Variants in CDH18 observed in about 807,000 individuals in gnomAD.
CDH18 encodes cadherin-18.
Under a neutral mutation model 67.9 loss-of-function variants are expected in CDH18, and 31 were observed. The ratio of observed to expected loss-of-function variants is 0.46; its 90% CI spans 0.34 to 0.62. CDH18 has a LOEUF of 0.62. Among genes scored for constraint, CDH18 ranks in the 20% least tolerant of loss-of-function variants. The probability of loss-of-function intolerance (pLI) is 0.01; values close to 1 mark genes in which losing one functional copy is unlikely to be tolerated. For missense variants in CDH18, 890 were observed against 975.5 expected, an observed-to-expected ratio of 0.91 and a Z score of 1.17; for synonymous variants, 362 against 347.2, an observed-to-expected ratio of 1.04 and a Z score of -0.48.
At chr5:19,711,396 T>TACAACA (rs112963492) in intron 5 of CDH18, among the ~76,000 whole-genome samples, 71 of 150,750 alleles carry the variant, frequency 4.7e-4, no homozygotes, top group African/African-American at 1.3e-3. Flanking sequence ...ACTCATAAAC[T>TACAACA]ACAACAACAA....
intron 8 of CDH18, among the ~76,000 whole-genome samples, chr5:19,567,933 T>C (rs1740714753): frequency 6.6e-6 from 1 of 152,186 alleles, no homozygotes; most frequent in Non-Finnish European, 1.5e-5. Flanking sequence ...TTTTAATTGA[T>C]TGAAAGTACA....
intron 2 of CDH18, among the ~76,000 whole-genome samples, chr5:19,859,964 C>T (rs1323870510): frequency 7.1e-6 from 1 of 141,674 alleles, no homozygotes; most frequent in African/African-American, 2.6e-5. Flanking sequence ...TTCTTTCTGT[C>T]TTATTAATTT....
chr5:19,745,713 T>C (rs1561208513), intron 4 of CDH18, among the ~76,000 whole-genome samples: 1 of 152,102 alleles, frequency 6.6e-6, no homozygotes. Context: ...GGTTCCTGTG[T>C]TCTGCTGGGG....
intron 2 of CDH18, among the ~76,000 whole-genome samples, chr5:20,218,054 C>A (rs1740917223): frequency 1.3e-5 from 2 of 151,908 alleles, no homozygotes; most frequent in East Asian, 3.9e-4. Flanking sequence ...AGATAAACCC[C>A]AATACGATAA....
intron 2 of CDH18, among the ~76,000 whole-genome samples, chr5:19,862,356 C>T (rs928479613): frequency 6.6e-5 from 10 of 152,080 alleles, no homozygotes; most frequent in Admixed American, 2.6e-4. Flanking sequence ...ACCTTTGTGT[C>T]TATAAAATTA....
chr5:19,986,375 T>C (rs1053182339), intron 1 of CDH18, among the ~76,000 whole-genome samples: 1 of 152,228 alleles, frequency 6.6e-6, no homozygotes, highest in Non-Finnish European at 1.5e-5. Context: ...TCTCCTTTGC[T>C]ATTGGGTTAT....
intron 2 of CDH18, among the ~76,000 whole-genome samples, chr5:19,921,724 A>G (rs773325356): frequency 6.6e-6 from 1 of 152,170 alleles, no homozygotes; most frequent in African/African-American, 2.4e-5. Context: ...GGGATATGCA[A>G]CATCAGTCAT....
At chr5:20,473,498 T>C (rs1361045764) in intron 1 of CDH18, among the ~76,000 whole-genome samples, 1 of 152,094 alleles carries the variant, frequency 6.6e-6, no homozygotes, top group African/African-American at 2.4e-5. Flanking sequence ...GTCTTCGACA[T>C]TGGATTTTCT....
At chr5:20,533,466 A>G (rs1443412393) in intron 1 of CDH18, among the ~76,000 whole-genome samples, 1 of 152,122 alleles carries the variant, frequency 6.6e-6, no homozygotes, top group Non-Finnish European at 1.5e-5. Flanking sequence ...TTTTTGACTC[A>G]AAAAGTATTG....
At chr5:20,063,958 A>G (rs1742742351) in intron 2 of CDH18, among the ~76,000 whole-genome samples, 1 of 152,196 alleles carries the variant, frequency 6.6e-6, no homozygotes, top group Non-Finnish European at 1.5e-5. Flanking sequence ...ACAGTTATAT[A>G]AGATCAATAA....
At chr5:19,588,532 G>T (rs1744582749) in intron 7 of CDH18, among the ~76,000 whole-genome samples, 1 of 151,872 alleles carries the variant, frequency 6.6e-6, no homozygotes, top group African/African-American at 2.4e-5. Flanking sequence ...ATAATGACTG[G>T]ATCAAATCCA....
intron 1 of CDH18, among the ~76,000 whole-genome samples, chr5:20,511,540 G>T (rs1193809274): frequency 6.6e-6 from 1 of 152,172 alleles, no homozygotes; most frequent in Admixed American, 6.5e-5. Context: ...GATTAAAAGT[G>T]ATATAACCCC....
At chr5:19,647,216 T>C (rs1426790357) in intron 5 of CDH18, among the ~76,000 whole-genome samples, 1 of 151,782 alleles carries the variant, frequency 6.6e-6, no homozygotes, top group East Asian at 1.9e-4. Flanking sequence ...TAGAAAATAA[T>C]GTAATTTAAA....
At chr5:19,666,179 C>A (rs1408351405) in intron 5 of CDH18, among the ~76,000 whole-genome samples, 2 of 151,096 alleles carry the variant, frequency 1.3e-5, no homozygotes, top group Non-Finnish European at 2.9e-5. Context: ...AAGTGATCCT[C>A]CTTCCTCAGC....
At chr5:20,027,928 G>A (rs1580071862) in intron 2 of CDH18, among the ~76,000 whole-genome samples, 1 of 152,150 alleles carries the variant, frequency 6.6e-6, no homozygotes, top group South Asian at 2.1e-4. Context: ...TCAAAAATAT[G>A]AGACGACTTT....
chr5:19,773,453 G>C (rs1366574894), intron 3 of CDH18, among the ~76,000 whole-genome samples: 1 of 152,148 alleles, frequency 6.6e-6, no homozygotes, highest in Non-Finnish European at 1.5e-5. Flanking sequence ...GGCAAGCATG[G>C]AGAAAACCTC....
chr5:20,150,746 T>C (rs1195542050), intron 2 of CDH18, among the ~76,000 whole-genome samples: 1 of 152,090 alleles, frequency 6.6e-6, no homozygotes, highest in African/African-American at 2.4e-5. Flanking sequence ...TATGTTTTTC[T>C]ATGGAGACTC....
intron 1 of CDH18, among the ~76,000 whole-genome samples, chr5:20,552,671 T>A (rs773955126): frequency 6.6e-6 from 1 of 152,270 alleles, no homozygotes; most frequent in South Asian, 2.1e-4. Flanking sequence ...TTCAGTAAGA[T>A]AACTATCTTA....
chr5:19,486,948 A>C, intron 11 of CDH18, among the ~76,000 whole-genome samples: 1 of 152,208 alleles, frequency 6.6e-6, no homozygotes, highest in Non-Finnish European at 1.5e-5. Context: ...AATCTCTAAT[A>C]ATGTGCACCA....
Sources: allele counts gnomAD v4.1 joint callset (sites outside exome capture counted in the v4.1 genomes callset), GRCh38; gene constraint gnomAD v4.1.1; transcripts MANE v1.5; gene names NCBI Gene and HGNC (gene_info 2026-07-23, HGNC 2026-07-21).